The following CNTNAP2 variants were observed in gnomAD, a reference collection of about 807,000 sequenced individuals.
The protein encoded by CNTNAP2 is contactin-associated protein-like 2.
In CNTNAP2, 98 loss-of-function variants were observed where a neutral mutation model predicts 155.2. The ratio of observed to expected loss-of-function variants is 0.63; its 90% confidence interval spans 0.54 to 0.75. The LOEUF is 0.75. Among genes scored for constraint, CNTNAP2 ranks in the 30% least tolerant of loss-of-function variants. CNTNAP2 has a pLI of 0.00. For missense variants in CNTNAP2, 1,727 were observed against 1,688.1 expected, an observed-to-expected ratio of 1.02 and a Z score of -0.40; for synonymous variants, 651 against 631.2, an observed-to-expected ratio of 1.03 and a Z score of -0.47.
intron 11 of CNTNAP2, among the ~76,000 whole-genome samples, chr7:147,526,227 G>C (rs1005549267): frequency 6.6e-6 from 1 of 151,006 alleles, no homozygotes; most frequent in Non-Finnish European, 1.5e-5. Context: ...AAATATTGTT[G>C]TGGAAAAACA....
chr7:147,470,605 T>C (rs1452594663), intron 10 of CNTNAP2, among the ~76,000 whole-genome samples: 5 of 151,970 alleles, frequency 3.3e-5, no homozygotes, highest in Non-Finnish European at 7.4e-5. Context: ...GCAGTAGAGA[T>C]GGTAAGATTT....
chr7:148,138,104 A>G (rs1458011349), intron 16 of CNTNAP2, among the ~76,000 whole-genome samples: 1 of 152,144 alleles, frequency 6.6e-6, no homozygotes, highest in Non-Finnish European at 1.5e-5. Context: ...GAAACCAGAA[A>G]ACAGACGTCC....
At chr7:146,782,709 T>G (rs993872311) in intron 2 of CNTNAP2, among the ~76,000 whole-genome samples, 1 of 152,160 alleles carries the variant, frequency 6.6e-6, no homozygotes, top group Non-Finnish European at 1.5e-5. Context: ...TACTTGTAGT[T>G]TAAAATAAAA....
chr7:147,919,465 T>TC (rs1563135070), intron 14 of CNTNAP2, among the ~76,000 whole-genome samples: 3 of 75,946 alleles, frequency 4.0e-5, no homozygotes, highest in Admixed American at 1.7e-4. Context: ...CTTTCTTTTT[T>TC]TTTTTTTTTT....
chr7:147,755,336 C>T (rs1016959140), intron 13 of CNTNAP2, among the ~76,000 whole-genome samples: 2 of 152,152 alleles, frequency 1.3e-5, no homozygotes, highest in Admixed American at 1.3e-4. Flanking sequence ...GTTTACTGTT[C>T]GGTTCTGTTC....
chr7:147,842,335 T>C (rs2116653987), intron 13 of CNTNAP2, among the ~76,000 whole-genome samples: 1 of 152,222 alleles, frequency 6.6e-6, no homozygotes, highest in Non-Finnish European at 1.5e-5. Context: ...AGACAATTTG[T>C]TGCAGATTCA....
At chr7:146,677,690 A>ATT (rs71165028) in intron 1 of CNTNAP2, among the ~76,000 whole-genome samples, 12,876 of 148,778 alleles carry the variant, frequency 0.087, 1,572 homozygotes, top group African/African-American at 0.27. Context: ...ATAGTTGGTG[A>ATT]TTTTTTTTTT....
chr7:147,697,939 CT>C (rs2117000444), intron 13 of CNTNAP2, among the ~76,000 whole-genome samples: 1 of 152,294 alleles, frequency 6.6e-6, no homozygotes, highest in South Asian at 2.1e-4. Context: ...TGAGGACCCC[CT>C]ATGACTGAGT....
intron 13 of CNTNAP2, among the ~76,000 whole-genome samples, chr7:147,675,825 A>G (rs1424199137): frequency 1.3e-5 from 2 of 152,024 alleles, no homozygotes; most frequent in Non-Finnish European, 2.9e-5. Context: ...GAGTTAGGCA[A>G]AACTGAGTGA....
At chr7:147,445,147 A>G (rs1797712071) in intron 10 of CNTNAP2, among the ~76,000 whole-genome samples, 1 of 152,208 alleles carries the variant, frequency 6.6e-6, no homozygotes, top group Non-Finnish European at 1.5e-5. Flanking sequence ...GCAAGGACAC[A>G]AAGTCAAACC....
intron 18 of CNTNAP2, among the ~76,000 whole-genome samples, chr7:148,175,001 T>G (rs1366441829): frequency 6.6e-6 from 1 of 152,050 alleles, no homozygotes; most frequent in Non-Finnish European, 1.5e-5. Flanking sequence ...AGTGAGAACA[T>G]GTGGTGTTTG....
chr7:147,780,582 A>T (rs1797647878), intron 13 of CNTNAP2, among the ~76,000 whole-genome samples: 1 of 152,216 alleles, frequency 6.6e-6, no homozygotes, highest in South Asian at 2.1e-4. Flanking sequence ...AATGACATTC[A>T]GGACCAAAAA....
At chr7:147,732,723 A>C (rs1424130325) in intron 13 of CNTNAP2, among the ~76,000 whole-genome samples, 1 of 152,086 alleles carries the variant, frequency 6.6e-6, no homozygotes, top group Non-Finnish European at 1.5e-5. Context: ...TTTAATGACC[A>C]CCATTCTAAC....
intron 11 of CNTNAP2, among the ~76,000 whole-genome samples, chr7:147,516,821 A>G (rs893348679): frequency 2.7e-5 from 4 of 149,922 alleles, no homozygotes; most frequent in Middle Eastern, 7.2e-3. Flanking sequence ...TCAGAAAACC[A>G]CAAAATGTAA....
intron 2 of CNTNAP2, among the ~76,000 whole-genome samples, chr7:146,789,009 C>G (rs10239703): frequency 1.3e-5 from 2 of 151,922 alleles, no homozygotes; most frequent in Non-Finnish European, 1.5e-5. Context: ...AAGAACAGAG[C>G]TGATATTCAC....
intron 10 of CNTNAP2, among the ~76,000 whole-genome samples, chr7:147,412,092 G>T (rs1051689662): frequency 1.1e-4 from 17 of 152,160 alleles, no homozygotes; most frequent in African/African-American, 3.9e-4. Flanking sequence ...GATTTCATAA[G>T]AGAGTGGCAG....
At chr7:146,547,933 T>C (rs1295933267) in intron 1 of CNTNAP2, among the ~76,000 whole-genome samples, 3 of 151,776 alleles carry the variant, frequency 2.0e-5, no homozygotes, top group African/African-American at 7.3e-5. Context: ...GGGCTCCATA[T>C]CCTCACAGAC....
At chr7:147,223,502 G>A (rs1050780947) in intron 8 of CNTNAP2, among the ~76,000 whole-genome samples, 4 of 152,088 alleles carry the variant, frequency 2.6e-5, no homozygotes, top group Admixed American at 6.6e-5. Flanking sequence ...GCCTGTCCTC[G>A]GCTTTATACC....
chr7:146,132,939 G>A (rs1465733019), intron 1 of CNTNAP2, among the ~76,000 whole-genome samples: 2 of 148,156 alleles, frequency 1.3e-5, no homozygotes, highest in Non-Finnish European at 3.0e-5. Context: ...GTAATGGGAT[G>A]GCTGGGTCAA....
Sources: allele counts gnomAD v4.1 joint callset (sites outside exome capture counted in the v4.1 genomes callset), GRCh38; gene constraint gnomAD v4.1.1; transcripts MANE v1.5; gene names NCBI Gene and HGNC (gene_info 2026-07-23, HGNC 2026-07-21).